Variants in SLC25A36 observed in about 807,000 individuals in gnomAD.
The protein encoded by SLC25A36 is solute carrier family 25 member 36.
Under a neutral mutation model 35.3 loss-of-function variants are expected in SLC25A36, and 24 were observed. That is an observed-to-expected ratio of 0.68 (90% CI 0.49 to 0.96). The LOEUF (loss-of-function observed/expected upper bound fraction) is 0.96, where lower values mean the gene tolerates loss of function less well. SLC25A36 is among the 40% of genes least tolerant of loss of function. SLC25A36 has a pLI of 0.00. For missense variants in SLC25A36, 294 were observed against 381.1 expected, an observed-to-expected ratio of 0.77 and a Z score of 1.90; for synonymous variants, 141 against 132.2, an observed-to-expected ratio of 1.07 and a Z score of -0.46.
intron 4 of SLC25A36, chr3:140,964,913 G>C (rs150997822): frequency 2.0e-5 from 3 of 151,926 alleles, no homozygotes; most frequent in African/African-American, 4.8e-5. Context: ...AGAATTGTCA[G>C]TTTGCACTTT....
At chr3:140,959,419 A>T in intron 2 of SLC25A36, 44 bp from the exon 3 acceptor site, 1 of 1,033,472 alleles carries the variant, frequency 9.7e-7, no homozygotes, top group Non-Finnish European at 1.4e-6. Flanking sequence ...AAAGTACCAG[A>T]CTTTGAAAGA....
intron 4 of SLC25A36, chr3:140,966,070 A>G (rs1424332186): frequency 6.6e-6 from 1 of 152,064 alleles, no homozygotes. Context: ...TCAATTTTTA[A>G]AATACTAATA....
chr3:140,954,719 G>A (rs1934432440), intron 1 of SLC25A36, among the ~76,000 whole-genome samples: 1 of 152,178 alleles, frequency 6.6e-6, no homozygotes, highest in South Asian at 2.1e-4. Flanking sequence ...ATTCCTGACT[G>A]TAAGCACTTT....
At chr3:140,963,043 A>T (rs1273655341) in intron 3 of SLC25A36, 84 bp from the exon 4 acceptor site, 1 of 823,972 alleles carries the variant, frequency 1.2e-6, no homozygotes, top group African/African-American at 1.8e-5. Context: ...AAATTTCTCC[A>T]TTCTAAAATT....
At chr3:140,959,978 A>G (rs1934586526) in intron 3 of SLC25A36, among the ~76,000 whole-genome samples, 1 of 152,214 alleles carries the variant, frequency 6.6e-6, no homozygotes, top group Admixed American at 6.5e-5. Flanking sequence ...TTAAAATTCT[A>G]TAAATGGACC....
chr3:140,978,937 A>G lies in SLC25A36; in HGVS notation c.*2484A>G, dbSNP rs976114980. On this transcript the variant is annotated 3_prime_UTR_variant, in exon 7 of 7. Coordinates refer to ENST00000324194, the MANE Select transcript of SLC25A36 (RefSeq NM_001104647.3). ...CATATTCAGAGCATTGGACTTTTTT[A>G]ACTTGTTTTCATCTGTTTATCATGA... 6.6e-6 allele frequency: 1 copy of G among 152,190 alleles called. No homozygotes were observed. Among genetic ancestry groups the G allele is most frequent in the Admixed American group, 6.5e-5 (1 of 15,272 alleles). 9.4% of individuals were successfully genotyped at this position (152,190 alleles called of 1,614,324 possible). A position where few individuals can be genotyped will look rare whatever the true frequency, so the allele number is the denominator to read the frequency against.
At chr3:140,968,825 A>G (rs1410375336) in intron 4 of SLC25A36, 1 of 518,156 alleles carries the variant, frequency 1.9e-6, no homozygotes, top group Non-Finnish European at 2.5e-6. Context: ...GTATAATAAG[A>G]TGAATGAGAA....
chr3:140,970,419 A>T (rs1187457381), intron 4 of SLC25A36: 1 of 152,416 alleles, frequency 6.6e-6, no homozygotes, highest in East Asian at 1.9e-4. Context: ...CATGGGGCCA[A>T]ACAACAGTCT....
At chr3:140,950,918 C>CTGTGTGTCTGTG (rs1553726051) in intron 1 of SLC25A36, among the ~76,000 whole-genome samples, 6 of 136,376 alleles carry the variant, frequency 4.4e-5, no homozygotes, top group Admixed American at 3.0e-4. Context: ...GTCTGTGTGT[C>CTGTGTGTCTGTG]TGTGTGTGTG....
intron 2 of SLC25A36, 84 bp downstream of exon 2, chr3:140,956,775 T>G: frequency 6.9e-7 from 1 of 1,450,066 alleles, no homozygotes; most frequent in Non-Finnish European, 9.1e-7. Flanking sequence ...TTCTGCCACA[T>G]TGAAAATGAT....
intron 6 of SLC25A36, among the ~76,000 whole-genome samples, chr3:140,975,491 G>A (rs910402920): frequency 6.6e-6 from 1 of 152,068 alleles, no homozygotes; most frequent in Non-Finnish European, 1.5e-5. Context: ...GCTGTGGGTT[G>A]CTTTAGACTA....
rs1308148314 is a variant in SLC25A36, at chr3:140,978,283, G to A, written c.*1830G>A. ...TTTGGAATTATTCGTACCTTTTATG[G>A]TAAATTTCAGCTTTGACATGTATTA... is the stretch of plus-strand genomic sequence containing the variant. On this transcript the variant is annotated 3_prime_UTR_variant, in exon 7 of 7. Coordinates refer to ENST00000324194, the MANE Select transcript of SLC25A36 (RefSeq NM_001104647.3). 2 of 152,090 alleles carry A rather than the reference G, an allele frequency of 1.3e-5. No individual in the cohort carries two copies. Among genetic ancestry groups the A allele is most frequent in the Non-Finnish European group, 2.9e-5 (2 of 68,012 alleles). 9.4% of individuals were successfully genotyped at this position (152,090 alleles called of 1,614,324 possible).
intron 3 of SLC25A36, among the ~76,000 whole-genome samples, chr3:140,961,855 CAAAAAAAAAAAAAAAA>C (rs553759457): frequency 1.9e-3 from 67 of 35,838 alleles, no homozygotes; most frequent in African/African-American, 4.7e-3. Flanking sequence ...GGCTCCGTCT[CAAAAAAAAAAAAAAAA>C]AAAAAAAAAA....
chr3:140,956,746 A>G, intron 2 of SLC25A36, 55 bp downstream of exon 2: 7 of 1,493,612 alleles, frequency 4.7e-6, no homozygotes, highest in Non-Finnish European at 6.3e-6. Flanking sequence ...AGTGAGTTCC[A>G]GATGTTTGTT....
In SLC25A36 at chr3:140,963,218, G is replaced by T; in HGVS notation, c.376G>T (p.Ala126Ser). Reference sequence around the variant, plus strand: ...TACCCAAGTACATATGATTTCAGCTGCAATGGCAGGTATGAATGTATAATA... The same window carrying T: ...TACCCAAGTACATATGATTTCAGCTTCAATGGCAGGTATGAATGTATAATA... The part of the protein sequence containing the change: ...DSTQVHMISA[A>S]MAGFTAITAT... Residue 126 changes from alanine to serine, a missense_variant, in exon 4 of 7, where the codon GCA becomes TCA. Physicochemically the swap from Ala to Ser is moderately conservative, Grantham distance 99. Around this residue, in one of 2 missense-constraint regions of SLC25A36, gnomAD observed 185 missense variants for 201.5 expected, o/e 0.92. Coordinates refer to ENST00000324194, the MANE Select transcript of SLC25A36 (RefSeq NM_001104647.3). The T allele has an allele frequency of 6.4e-7, 1 of 1,570,610 alleles. No individual in the cohort carries two copies. The highest frequency in any genetic ancestry group is 8.6e-7 in the Non-Finnish European group (1 of 1,162,174).
At chr3:140,973,021 T>C (rs1336075201) in intron 5 of SLC25A36, 2 of 152,186 alleles carry the variant, frequency 1.3e-5, no homozygotes, top group Non-Finnish European at 2.9e-5. Context: ...GATGTTGTAT[T>C]CTATAAGAGT....
At chr3:140,949,591 C>T (rs1363765300) in intron 1 of SLC25A36, among the ~76,000 whole-genome samples, 4 of 152,094 alleles carry the variant, frequency 2.6e-5, no homozygotes, top group East Asian at 1.9e-4. Flanking sequence ...GGTTTCACTA[C>T]GAACATAAAG....
intron 1 of SLC25A36, among the ~76,000 whole-genome samples, chr3:140,955,483 C>T (rs1390326766): frequency 6.6e-6 from 1 of 152,130 alleles, no homozygotes; most frequent in Non-Finnish European, 1.5e-5. Context: ...AAATTATTTT[C>T]TACTCTTGTA....
Position 140,976,646 on chromosome 3 carries a change from A to AG in SLC25A36, c.*193_*194insG, listed in dbSNP as rs1193380070. The AG allele has an allele frequency of 2.5e-6, 1 of 403,862 alleles. No homozygotes were observed. The highest frequency in any genetic ancestry group is 9.7e-5 in the South Asian group (1 of 10,312). The allele number at this position is 403,862 out of a possible 1,614,324, so 25.0% of individuals were successfully genotyped here. On this transcript the variant is annotated 3_prime_UTR_variant, in exon 7 of 7. Transcript: ENST00000324194. ...GCCTTTCGGTAATGTGAAAAAAAAA[A>AG]AAAACCTCAGAGCCTCCAAGGAAAT...
Sources: allele counts gnomAD v4.1 joint callset (sites outside exome capture counted in the v4.1 genomes callset), GRCh38; gene constraint gnomAD v4.1.1; regional missense constraint gnomAD v4.1.1; transcripts MANE v1.5; gene names NCBI Gene and HGNC (gene_info 2026-07-23, HGNC 2026-07-21).